Variants in LRBA observed in about 807,000 individuals in gnomAD.
The protein encoded by LRBA is LPS responsive beige-like anchor protein.
In LRBA, 176 loss-of-function variants were observed where a neutral mutation model predicts 330.0. The ratio of observed to expected loss-of-function variants is 0.53; its 90% CI spans 0.47 to 0.60. The LOEUF (loss-of-function observed/expected upper bound fraction) is 0.60. Among genes scored for constraint, LRBA ranks in the 20% least tolerant of loss-of-function variants. LRBA has a pLI of 0.00. For synonymous variants in LRBA, 1,230 were observed against 1,193.0 expected (o/e 1.03, Z -0.64); for missense variants, 3,259 against 3,444.8 (o/e 0.95, Z 1.35).
At chr4:150,567,385 G>C (rs1231983929) in intron 40 of LRBA, among the ~76,000 whole-genome samples, 2 of 152,012 alleles carry the variant, frequency 1.3e-5, no homozygotes, top group African/African-American at 4.8e-5. Context: ...TGATATAACG[G>C]ACACTATTTA....
Position 150,852,154 on chromosome 4 carries a change from C to G in LRBA, c.3556G>C (p.Gly1186Arg). The G allele has an allele frequency of 6.2e-7, 1 of 1,614,136 alleles. No individual in the cohort carries two copies. Among genetic ancestry groups the G allele is most frequent in the Non-Finnish European group, 8.5e-7 (1 of 1,179,978 alleles). The change falls in exon 23 of 57, where the codon GGG becomes CGG. Residue 1186 changes from glycine (G) to arginine (R), a missense_variant. Gly to Arg is a moderately radical substitution (Grantham distance 125, BLOSUM62 -2). Transcript: ENST00000651943. ...GTTTCTGGTGACATAGCTGAAGACC[C>G]TGATGCTGTCATAGTCTGAATTCCA... ...DSGIQTMTAS[G>R]SSAMSPETTV...
chr4:150,759,758 G>A (rs994903022), intron 35 of LRBA, among the ~76,000 whole-genome samples: 4 of 151,524 alleles, frequency 2.6e-5, no homozygotes, highest in African/African-American at 7.3e-5. Flanking sequence ...TTTGTTTATT[G>A]CTGTATCCTC....
At chr4:150,569,677 G>A (rs1504783) in intron 40 of LRBA, among the ~76,000 whole-genome samples, 102,457 of 152,000 alleles carry the variant, frequency 0.67, 34,488 homozygotes, top group Admixed American at 0.71. Context: ...TTATTTTCCA[G>A]TCGGTAATTA....
chr4:150,700,674 CT>C (rs1017566836), intron 36 of LRBA, among the ~76,000 whole-genome samples: 5 of 151,492 alleles, frequency 3.3e-5, no homozygotes, highest in African/African-American at 9.8e-5. Context: ...TTGTTTAACT[CT>C]TTTTTAATAA....
intron 44 of LRBA, among the ~76,000 whole-genome samples, chr4:150,464,714 A>C (rs1755222011): frequency 6.6e-6 from 1 of 152,016 alleles, no homozygotes; most frequent in South Asian, 2.1e-4. Context: ...GTTAAGGATG[A>C]CCTAAGCTGT....
chr4:150,470,681 C>CCATTTCCCACCATTTT (rs1755992875), intron 43 of LRBA, among the ~76,000 whole-genome samples: 1 of 152,150 alleles, frequency 6.6e-6, no homozygotes, highest in South Asian at 2.1e-4. Flanking sequence ...TTCCCACTAA[C>CCATTTCCCACCATTTT]GCAGGCCAGA....
chr4:150,861,270 GGTGTGTGTGT>G (rs35115144), intron 22 of LRBA, among the ~76,000 whole-genome samples: 125 of 137,880 alleles, frequency 9.1e-4, no homozygotes, highest in Middle Eastern at 7.1e-3. Context: ...CCCAGCTAAT[GGTGTGTGTGT>G]GTGTGTGTGT....
intron 29 of LRBA, among the ~76,000 whole-genome samples, chr4:150,829,378 C>T (rs1475257187): frequency 6.6e-6 from 1 of 152,214 alleles, no homozygotes; most frequent in African/African-American, 2.4e-5. Context: ...CTCCTTTTCT[C>T]TCTTTTAATT....
At position 150,603,062 on chromosome 4, in the gene LRBA, C is replaced by T. The variant is rs116715006; in HGVS notation, c.5922-3931G>A. Among the ~76,000 whole-genome samples the T allele has an allele frequency of 9.1e-3, 1,387 of 152,262 alleles. 6 individuals are homozygous for T. The highest frequency in any genetic ancestry group is 0.015 in the Non-Finnish European group (1,042 of 68,018). Reference sequence around the variant, plus strand: ...ACTCATATCCATTTCCACTAAGATCCTCAAAATCTTCAAAGTAAAGAGGTT... The same window carrying T: ...ACTCATATCCATTTCCACTAAGATCTTCAAAATCTTCAAAGTAAAGAGGTT... On this transcript the variant is annotated intron_variant, in intron 37 of 56. Transcript: ENST00000651943.
Position 150,921,283 on chromosome 4 carries a change from G to T in LRBA, c.560C>A (p.Ala187Asp). ...CTTTAACACAGACAGCAACTTCCCA[G>T]CATGTGGAGGCTATGAAGATAATTA... ...QGDKGRWPPHAGKLLSVLKHM... is the reference protein window; with the variant it reads ...QGDKGRWPPHDGKLLSVLKHM... Residue 187 changes from alanine (A) to aspartate (D), a missense_variant, in exon 5 of 57, where the codon GCT (alanine) becomes GAT (aspartate). By Grantham distance (126) the Ala-to-Asp change is moderately radical. Coordinates refer to ENST00000651943, the MANE Select transcript of LRBA (RefSeq NM_001364905.1). 1 of 1,599,334 alleles carries T rather than the reference G, an allele frequency of 6.3e-7. No individual in the cohort carries two copies. The highest frequency in any genetic ancestry group is 8.6e-7 in the Non-Finnish European group (1 of 1,166,662).
intron 37 of LRBA, among the ~76,000 whole-genome samples, chr4:150,652,413 C>CT (rs1779789699): frequency 6.6e-6 from 1 of 152,052 alleles, no homozygotes; most frequent in Admixed American, 6.6e-5. Flanking sequence ...ATGCATCCAG[C>CT]TTTTTTGCAT....
chr4:150,379,842 T>C (rs900256298), intron 47 of LRBA, among the ~76,000 whole-genome samples: 6 of 151,986 alleles, frequency 3.9e-5, no homozygotes, highest in African/African-American at 1.2e-4. Flanking sequence ...AAGCAAACCA[T>C]GAACTCCATA....
chr4:150,787,060 T>C (rs963250182), intron 34 of LRBA, among the ~76,000 whole-genome samples: 2 of 152,048 alleles, frequency 1.3e-5, no homozygotes, highest in Admixed American at 1.3e-4. Context: ...GGTGAAACCT[T>C]GTCTTTACAA....
chr4:150,608,506 G>C (rs1026768530), intron 37 of LRBA, among the ~76,000 whole-genome samples: 1 of 152,162 alleles, frequency 6.6e-6, no homozygotes, highest in African/African-American at 2.4e-5. Flanking sequence ...GCAGTCAGCG[G>C]GCACCATTAT....
chr4:150,906,440 C>T (rs376518174), intron 11 of LRBA, 35 bp from the exon 12 acceptor site: 4 of 1,164,622 alleles, frequency 3.4e-6, no homozygotes, highest in African/African-American at 1.5e-5. Context: ...ATTAAAAAAA[C>T]ATATTCTATT....
chr4:150,764,585 C>T (rs900220304), intron 34 of LRBA, among the ~76,000 whole-genome samples: 1 of 151,878 alleles, frequency 6.6e-6, no homozygotes, highest in Admixed American at 6.6e-5. Flanking sequence ...TCTTAAAAGT[C>T]AACAAAAACA....
chr4:150,656,903 C>T (rs764338856), intron 37 of LRBA, among the ~76,000 whole-genome samples: 66 of 152,168 alleles, frequency 4.3e-4, no homozygotes, highest in Admixed American at 1.7e-3. Flanking sequence ...ACAGTATCTG[C>T]CTTAAGAAGC....
At chr4:150,656,482 C>T (rs1010483309) in intron 37 of LRBA, among the ~76,000 whole-genome samples, 3 of 152,144 alleles carry the variant, frequency 2.0e-5, no homozygotes, top group South Asian at 2.1e-4. Context: ...TACTACTTTG[C>T]CATACTAACA....
At chr4:150,952,673 A>G (rs2154349) in intron 2 of LRBA, among the ~76,000 whole-genome samples, 20,181 of 150,958 alleles carry the variant, frequency 0.13, 2,070 homozygotes, top group African/African-American at 0.27. Flanking sequence ...CGGGGTGGAG[A>G]GGGTTTCTGT....
Sources: allele counts gnomAD v4.1 joint callset (sites outside exome capture counted in the v4.1 genomes callset), GRCh38; gene constraint gnomAD v4.1.1; transcripts MANE v1.5; gene names NCBI Gene and HGNC (gene_info 2026-07-23, HGNC 2026-07-21).